PCOLCE2: variants seen among roughly 807,000 people sequenced by gnomAD.
The protein encoded by PCOLCE2 is procollagen C-endopeptidase enhancer 2, also known as procollagen C-proteinase enhancer 2.
PCOLCE2 carries 42 observed loss-of-function variants against 47.0 expected under a neutral mutation model. The ratio of observed to expected loss-of-function variants is 0.89; its 90% CI spans 0.70 to 1.16. PCOLCE2 has a LOEUF of 1.16. Among genes scored for constraint, PCOLCE2 ranks in the 50% most tolerant of loss-of-function variants. The pLI, the probability that PCOLCE2 is intolerant of heterozygous loss-of-function variation, is 0.00. For missense variants in PCOLCE2, 500 were observed against 526.1 expected (o/e 0.95, Z 0.49); for synonymous variants, 169 against 191.7 (o/e 0.88, Z 0.98).
At chr3:142,826,888 C>G (rs1055879141) in intron 6 of PCOLCE2, among the ~76,000 whole-genome samples, 2 of 152,162 alleles carry the variant, frequency 1.3e-5, no homozygotes, top group Non-Finnish European at 2.9e-5. Context: ...CCTCCTCCCT[C>G]GCCACTGCTT....
chr3:142,869,247 C>T (rs1273248426), intron 2 of PCOLCE2, among the ~76,000 whole-genome samples: 10 of 151,344 alleles, frequency 6.6e-5, no homozygotes, highest in Middle Eastern at 3.4e-3. Flanking sequence ...GCCGAGATCG[C>T]GCCACTACGC....
In PCOLCE2 at chr3:142,842,913, G is replaced by T. The variant is rs1937279836; in HGVS notation, c.573+11C>A. On this transcript the variant is annotated intron_variant, in intron 4 of 8. Coordinates refer to ENST00000295992, the MANE Select transcript of PCOLCE2 (RefSeq NM_013363.4). This position sits in a 1 kb window ranked among gnomAD's most constrained non-coding sequence, Gnocchi z 4.1. Reference sequence around the variant, plus strand: ...CATGCATGCTTTCTTCACACTTCCAGGGAATCTCACCTGATTCTTTGGGGC... The same window carrying T: ...CATGCATGCTTTCTTCACACTTCCATGGAATCTCACCTGATTCTTTGGGGC... 1 of 1,613,668 alleles carries T rather than the reference G, an allele frequency of 6.2e-7. No homozygotes were observed. The highest frequency in any genetic ancestry group is 8.5e-7 in the Non-Finnish European group (1 of 1,179,826).
At chr3:142,884,275 T>C (rs775450320) in intron 2 of PCOLCE2, among the ~76,000 whole-genome samples, 3 of 152,196 alleles carry the variant, frequency 2.0e-5, no homozygotes, top group African/African-American at 4.8e-5. Context: ...GTGGGAGTTA[T>C]TGGTTCTGGT....
chr3:142,887,847 AAAG>A, intron 1 of PCOLCE2, 70 bp from the exon 2 acceptor site: 1 of 833,226 alleles, frequency 1.2e-6, no homozygotes, highest in Non-Finnish European at 2.1e-6. Context: ...TTACCTTCAG[AAAG>A]GTGTAGCCTA....
chr3:142,854,939 T>A (rs1201470146), intron 2 of PCOLCE2, among the ~76,000 whole-genome samples: 3 of 152,232 alleles, frequency 2.0e-5, no homozygotes, highest in African/African-American at 7.2e-5. Flanking sequence ...GCATGATATA[T>A]CCCCTTATCT....
intron 2 of PCOLCE2, among the ~76,000 whole-genome samples, chr3:142,854,688 C>T (rs13084026): frequency 0.48 from 73,198 of 152,008 alleles, 19,347 homozygotes; most frequent in Non-Finnish European, 0.61. Context: ...AGCCTGAAGA[C>T]ACCAGTGGAG....
intron 5 of PCOLCE2, among the ~76,000 whole-genome samples, chr3:142,836,295 T>C (rs1443855162): frequency 6.6e-6 from 1 of 152,216 alleles, no homozygotes; most frequent in Non-Finnish European, 1.5e-5. Flanking sequence ...TGGTGTCAGC[T>C]TCTCTGGGTC....
chr3:142,873,231 T>TAAAAATA (rs1257942074), intron 2 of PCOLCE2, among the ~76,000 whole-genome samples: 1 of 151,726 alleles, frequency 6.6e-6, no homozygotes, highest in Non-Finnish European at 1.5e-5. Flanking sequence ...CCGTCTCTAC[T>TAAAAATA]AAAAATAAAA....
chr3:142,880,018 T>G (rs1933580680), intron 2 of PCOLCE2, among the ~76,000 whole-genome samples: 1 of 148,476 alleles, frequency 6.7e-6, no homozygotes, highest in African/African-American at 2.5e-5. Context: ...CAAATTATAC[T>G]TTCTGGATTA....
chr3:142,839,971 T>G (rs1247592447), intron 4 of PCOLCE2, among the ~76,000 whole-genome samples: 1 of 152,150 alleles, frequency 6.6e-6, no homozygotes, highest in Admixed American at 6.5e-5. Flanking sequence ...CAGGGAGTAG[T>G]AGTGTGTGTG....
chr3:142,857,315 T>C (rs1424198626), intron 2 of PCOLCE2, among the ~76,000 whole-genome samples: 1 of 152,174 alleles, frequency 6.6e-6, no homozygotes, highest in African/African-American at 2.4e-5. Flanking sequence ...CCTGCTGTCC[T>C]TGAAAGCTGT....
In PCOLCE2 at chr3:142,838,899, T is replaced by A. The variant is rs1232643477; in HGVS notation, c.581A>T (p.Glu194Val). 1.2e-6 allele frequency: 2 copies of A among 1,611,076 alleles called. No individual in the cohort carries two copies. The highest frequency in any genetic ancestry group is 2.2e-5 in the South Asian group (2 of 91,012). ...CACATCAAACTTCTCAAACTTTAAT[T>A]CTATAAGCTTTAGAGAAAGCACAAT... is the stretch of plus-strand genomic sequence containing the variant. ...HIVAPKNQLI[E>V]LKFEKFDVER... The change falls in exon 5 of 9, where the codon GAA (glutamate) becomes GTA (valine). Residue 194 changes from glutamate to valine, a missense_variant. Transcript: ENST00000295992.
chr3:142,851,377 A>G (rs1355331525), intron 2 of PCOLCE2, among the ~76,000 whole-genome samples: 2 of 152,094 alleles, frequency 1.3e-5, no homozygotes, highest in Non-Finnish European at 1.5e-5. Flanking sequence ...GCAGGTGGAG[A>G]GTTGGATATA....
chr3:142,825,068 A>G (rs988980290), intron 6 of PCOLCE2, among the ~76,000 whole-genome samples: 1 of 152,202 alleles, frequency 6.6e-6, no homozygotes, highest in Non-Finnish European at 1.5e-5. Flanking sequence ...GGAGAGAAAG[A>G]GCTCAGAAGA....
intron 3 of PCOLCE2, among the ~76,000 whole-genome samples, chr3:142,845,338 G>A (rs748224153): frequency 5.9e-5 from 9 of 152,046 alleles, no homozygotes; most frequent in Non-Finnish European, 1.2e-4. Flanking sequence ...TCCATCCTTT[G>A]GTTGTCAAAC....
chr3:142,873,177 T>A (rs575034442), intron 2 of PCOLCE2, among the ~76,000 whole-genome samples: 11 of 152,176 alleles, frequency 7.2e-5, no homozygotes, highest in African/African-American at 2.2e-4. Flanking sequence ...GGGATCACCC[T>A]GAGGTCAGGA....
chr3:142,876,876 G>A (rs886988167), intron 2 of PCOLCE2, among the ~76,000 whole-genome samples: 26 of 152,306 alleles, frequency 1.7e-4, no homozygotes, highest in African/African-American at 6.0e-4. Context: ...AATGCTGGGG[G>A]ATGCCAGAAA....
At chr3:142,827,717 T>A in intron 6 of PCOLCE2, 3 of 892,752 alleles carry the variant, frequency 3.4e-6, no homozygotes. Flanking sequence ...GTGACCCGAG[T>A]TGTGGATGAT....
At chr3:142,834,124 G>C (rs983181256) in intron 5 of PCOLCE2, among the ~76,000 whole-genome samples, 1 of 151,964 alleles carries the variant, frequency 6.6e-6, no homozygotes, top group African/African-American at 2.4e-5. Flanking sequence ...TATGTTTCTG[G>C]CCTCTCCTTG....
Sources: allele counts gnomAD v4.1 joint callset (sites outside exome capture counted in the v4.1 genomes callset), GRCh38; gene constraint gnomAD v4.1.1; non-coding constraint Gnocchi (gnomAD v3.1); transcripts MANE v1.5; gene names NCBI Gene and HGNC (gene_info 2026-07-23, HGNC 2026-07-21).